RIBC2: variants seen among roughly 807,000 people sequenced by gnomAD.
The protein encoded by RIBC2 is RIB43A domain with coiled-coils 2.
Under a neutral mutation model 44.3 loss-of-function variants are expected in RIBC2, and 40 were observed. That is an observed-to-expected ratio of 0.90 (90% CI 0.70 to 1.18). RIBC2 has a LOEUF of 1.18. Among genes scored for constraint, RIBC2 ranks in the 50% most tolerant of loss-of-function variants. The pLI, the probability that RIBC2 is intolerant of heterozygous loss-of-function variation, is 0.00. For synonymous variants in RIBC2, 171 were observed against 175.0 expected (o/e 0.98, Z 0.18); for missense variants, 459 against 485.5 (o/e 0.95, Z 0.51).
chr22:45,422,686 T>C (rs1473297213), intron 4 of RIBC2, among the ~76,000 whole-genome samples: 1 of 152,158 alleles, frequency 6.6e-6, no homozygotes, highest in East Asian at 1.9e-4. Context: ...TCTTCTTCTG[T>C]AACATGAGGA....
chr22:45,414,061 C>G, intron 1 of RIBC2, 46 bp downstream of exon 1: 1 of 1,544,852 alleles, frequency 6.5e-7, no homozygotes, highest in East Asian at 2.5e-5. Flanking sequence ...CAGATGCGGG[C>G]GAGGGGCTGC....
intron 5 of RIBC2, among the ~76,000 whole-genome samples, chr22:45,427,914 C>T: frequency 6.6e-6 from 1 of 152,222 alleles, no homozygotes; most frequent in East Asian, 1.9e-4. Flanking sequence ...GGATTACAGG[C>T]GTGAGCCACC....
intron 4 of RIBC2, among the ~76,000 whole-genome samples, chr22:45,424,747 T>C (rs2087518172): frequency 7.7e-6 from 1 of 129,662 alleles, no homozygotes; most frequent in Admixed American, 8.0e-5. Flanking sequence ...CTCACATTTC[T>C]TTTTTCTTTT....
At position 45,413,954 on chromosome 22, in the gene RIBC2, G is replaced by A; in HGVS notation, c.68G>A (p.Arg23Lys). Reference protein sequence around the residue: ...DLRQDANLAKRRHAELCRQKR... With the variant: ...DLRQDANLAKKRHAELCRQKR... ...CGGCAGGACGCCAACCTGGCAAAGA[G>A]GAGGCACGCGGAGCTGTGCAGGCAG... Residue 23 changes from arginine (R) to lysine (K), a missense_variant, in exon 1 of 7, where the codon AGG (arginine) becomes AAG (lysine). Transcript: ENST00000614167. 3 of 1,551,746 alleles carry A rather than the reference G, an allele frequency of 1.9e-6. No homozygotes were observed. The highest frequency in any genetic ancestry group is 2.6e-6 in the Non-Finnish European group (3 of 1,147,004).
intron 4 of RIBC2, among the ~76,000 whole-genome samples, chr22:45,424,436 T>C (rs1415790557): frequency 6.6e-6 from 1 of 152,250 alleles, no homozygotes; most frequent in Non-Finnish European, 1.5e-5. Context: ...GGCCACCCAC[T>C]GCGTCCATTT....
chr22:45,419,008 ACT>A (rs2087452512), intron 3 of RIBC2, among the ~76,000 whole-genome samples: 1 of 151,426 alleles, frequency 6.6e-6, no homozygotes, highest in Non-Finnish European at 1.5e-5. Context: ...TCAGAACACC[ACT>A]CTCACATTAG....
rs943931256 is a variant in RIBC2, at chr22:45,413,721, C to T, written c.-166C>T. On this transcript the variant is annotated 5_prime_UTR_variant, in exon 1 of 7. Transcript: ENST00000614167. Reference sequence around the variant, plus strand: ...GTTGACATTTCCGAGAGAGCGGGAGCGTCTGTACCTCTGCGGCGTCACTGG... The same window carrying T: ...GTTGACATTTCCGAGAGAGCGGGAGTGTCTGTACCTCTGCGGCGTCACTGG... 4 of 1,145,998 alleles carry T rather than the reference C, an allele frequency of 3.5e-6. No individual in the cohort carries two copies. Among genetic ancestry groups the T allele is most frequent in the African/African-American group, 1.6e-5 (1 of 64,310 alleles). The allele number at this position is 1,145,998 out of a possible 1,614,324, so 71.0% of individuals were successfully genotyped here. A position where few individuals can be genotyped will look rare whatever the true frequency, so the allele number is the denominator to read the frequency against.
chr22:45,417,669 A>C lies in RIBC2; in HGVS notation c.279A>C (p.Lys93Asn). Residue 93 changes from lysine (K) to asparagine (N), a missense_variant, in exon 3 of 7, where the codon AAA (lysine) becomes AAC (asparagine). By Grantham distance (94) the Lys-to-Asn change is moderately conservative. Transcript: ENST00000614167. ...ILENRKKRDR[K>N]NLCRAINDFQ... is the part of the protein sequence containing the mutation. ...AAAACCGGAAAAAGAGGGATAGGAA[A>C]AATCTCTGTAGGGCTATCAATGACT... The C allele has an allele frequency of 1.2e-6, 2 of 1,614,192 alleles. No individual in the cohort carries two copies. The highest frequency in any genetic ancestry group is 1.7e-6 in the Non-Finnish European group (2 of 1,180,036).
At chr22:45,423,905 G>C (rs1414992805) in intron 4 of RIBC2, among the ~76,000 whole-genome samples, 1 of 152,182 alleles carries the variant, frequency 6.6e-6, no homozygotes, top group Non-Finnish European at 1.5e-5. Context: ...CTGTTGGCTG[G>C]TGATCTGCTC....
intron 4 of RIBC2, 21 bp downstream of exon 4, chr22:45,422,429 C>T (rs771706887): frequency 7.5e-5 from 116 of 1,551,150 alleles, no homozygotes; most frequent in Non-Finnish European, 1.0e-4. Context: ...TCCGCGACCT[C>T]GGGCTCGACG....
chr22:45,422,234 C>T (rs1046058608), intron 3 of RIBC2, 56 bp from the exon 4 acceptor site: 23 of 1,280,838 alleles, frequency 1.8e-5, no homozygotes, highest in Middle Eastern at 1.9e-4. Flanking sequence ...AACGGCCACA[C>T]GTGGGAAGGT....
At chr22:45,421,233 T>C (rs2087474049) in intron 3 of RIBC2, among the ~76,000 whole-genome samples, 1 of 151,458 alleles carries the variant, frequency 6.6e-6, no homozygotes, top group South Asian at 2.1e-4. Context: ...AGGCAGAGGT[T>C]GCAGTGAGCC....
chr22:45,422,345 G>C lies in RIBC2; in HGVS notation c.612G>C (p.Gln204His). ...LQFDETAKHL[Q>H]KLESTTRKAV... ...TTGACGAGACAGCCAAGCACCTCCA[G>C]AAGCTGGAAAGCACCACCAGAAAGG... Residue 204 changes from glutamine (Q) to histidine (H), a missense_variant, in exon 4 of 7, where the codon CAG (glutamine) becomes CAC (histidine). Physicochemically the swap from Gln to His is conservative, Grantham distance 24 (BLOSUM62 0). Coordinates refer to ENST00000614167, the MANE Select transcript of RIBC2 (RefSeq NM_015653.5). The C allele has an allele frequency of 6.2e-7, 1 of 1,614,200 alleles. No individual in the cohort carries two copies. Among genetic ancestry groups the C allele is most frequent in the East Asian group, 2.2e-5 (1 of 44,876 alleles).
At chr22:45,430,676 G>A (rs2087570911) in intron 5 of RIBC2, among the ~76,000 whole-genome samples, 1 of 152,174 alleles carries the variant, frequency 6.6e-6, no homozygotes. Flanking sequence ...AGGAGAAGGA[G>A]GACGGCCAGC....
chr22:45,416,318 A>T (rs6006746), intron 2 of RIBC2, among the ~76,000 whole-genome samples: 71,504 of 151,722 alleles, frequency 0.47, 19,355 homozygotes, highest in African/African-American at 0.75. Context: ...TGACTGTCCA[A>T]GAATTGTGTC....
At chr22:45,418,175 G>A (rs1301633616) in intron 3 of RIBC2, 2 of 408,302 alleles carry the variant, frequency 4.9e-6, no homozygotes, top group Non-Finnish European at 8.8e-6. Flanking sequence ...GGAAACACCT[G>A]CAATGACACC....
In RIBC2 at chr22:45,426,184, C is replaced by T; in HGVS notation, c.903+9C>T. On this transcript the variant is annotated intron_variant, in intron 5 of 6. Coordinates refer to ENST00000614167, the MANE Select transcript of RIBC2 (RefSeq NM_015653.5). ...AAATCCAGGAGAAGCTGGTGACTGC[C>T]CCGCCCCTTTTTCCAGAGCCCATAG... 1.2e-6 allele frequency: 2 copies of T among 1,608,554 alleles called. No individual in the cohort carries two copies. The highest frequency in any genetic ancestry group is 2.2e-5 in the South Asian group (2 of 90,500).
At chr22:45,432,027 A>G (rs2087584649) in intron 6 of RIBC2, among the ~76,000 whole-genome samples, 1 of 152,166 alleles carries the variant, frequency 6.6e-6, no homozygotes, top group South Asian at 2.1e-4. Flanking sequence ...ACCCACGGAG[A>G]TTTAATTTTC....
chr22:45,432,221 A>G (rs2087586831), intron 6 of RIBC2, 63 bp from the exon 7 acceptor site: 2 of 930,342 alleles, frequency 2.1e-6, no homozygotes. Context: ...CAAAAAAAAA[A>G]AAAAGAAAGA....
Sources: allele counts gnomAD v4.1 joint callset (sites outside exome capture counted in the v4.1 genomes callset), GRCh38; gene constraint gnomAD v4.1.1; transcripts MANE v1.5; gene names NCBI Gene and HGNC (gene_info 2026-07-23, HGNC 2026-07-21).